Variants in FNTB observed in about 807,000 individuals in gnomAD.
FNTB encodes the protein farnesyltransferase, CAAX box, subunit beta, also known as protein farnesyltransferase subunit beta.
In FNTB, 27 loss-of-function variants were observed where a neutral mutation model predicts 59.4. That is an observed-to-expected ratio of 0.45 (90% CI 0.34 to 0.63). FNTB has a LOEUF of 0.63. Ranked by LOEUF, FNTB falls within the 20% of genes least tolerant of loss-of-function variation. The pLI is 0.02. For synonymous variants in FNTB, 230 were observed against 220.7 expected (o/e 1.04, Z -0.37); for missense variants, 449 against 559.6 (o/e 0.80, Z 1.99).
Position 64,997,987 on chromosome 14 carries a change from C to G in FNTB, c.145-6262C>G, listed in dbSNP as rs1050954106. ...GAAGCCTATCGTGGGAAGACATATT[C>G]TGGTCTCCTACAGTCATGTTTTGAG... On this transcript the variant is annotated intron_variant, in intron 1 of 11. Transcript: ENST00000246166. This position sits in a 1 kb window ranked among gnomAD's most constrained non-coding sequence, Gnocchi z 4.5. Among the ~76,000 whole-genome samples, 1 of 152,180 alleles carries G rather than the reference C, an allele frequency of 6.6e-6. No homozygotes were observed. The highest frequency in any genetic ancestry group is 2.4e-5 in the African/African-American group (1 of 41,440).
At chr14:64,999,945 ATGTTTT>A (rs1456444724) in intron 1 of FNTB, among the ~76,000 whole-genome samples, 89 of 152,196 alleles carry the variant, frequency 5.8e-4, no homozygotes, top group Non-Finnish European at 1.0e-3. Flanking sequence ...ACATATTTCC[ATGTTTT>A]TGTCAGGTGT....
intron 7 of FNTB, 93 bp from the exon 8 acceptor site, chr14:65,040,697 G>A: frequency 7.5e-7 from 1 of 1,331,826 alleles, no homozygotes; most frequent in Middle Eastern, 3.2e-4. Flanking sequence ...ACCTTAATCT[G>A]AGTGAACTTT....
At position 64,997,294 on chromosome 14, in the gene FNTB, C is replaced by T. The variant is rs1888435246; in HGVS notation, c.145-6955C>T. 6.6e-6 allele frequency among the ~76,000 whole-genome samples: 1 copy of T among 152,182 alleles called. No homozygotes were observed. Among genetic ancestry groups the T allele is most frequent in the Admixed American group, 6.6e-5 (1 of 15,266 alleles). ...TCTTTTCAGATTTTTGCATTTCTGA[C>T]TGGCTGACTCCACACAGACAGGTCC... On this transcript the variant is annotated intron_variant, in intron 1 of 11. Coordinates refer to ENST00000246166, the MANE Select transcript of FNTB (RefSeq NM_002028.4). This position sits in a 1 kb window ranked among gnomAD's most constrained non-coding sequence, Gnocchi z 4.5.
Position 65,054,286 on chromosome 14 carries a change from A to G in FNTB, c.1068-289A>G, listed in dbSNP as rs909516147. Among the ~76,000 whole-genome samples, 1 of 151,724 alleles carries G rather than the reference A, an allele frequency of 6.6e-6. No individual in the cohort carries two copies. Among genetic ancestry groups the G allele is most frequent in the African/African-American group, 2.4e-5 (1 of 41,296 alleles). ...GGCCACCACACCTAGCTAATTTTTA[A>G]TTTTTTGTAGAGACGGGGTCTCCCA... On this transcript the variant is annotated intron_variant, in intron 10 of 11. Coordinates refer to ENST00000246166, the MANE Select transcript of FNTB (RefSeq NM_002028.4). The surrounding 1 kb of genome is among the most constrained non-coding windows in gnomAD (Gnocchi z 4.4).
intron 9 of FNTB, among the ~76,000 whole-genome samples, chr14:65,052,445 G>T (rs1262070536): frequency 1.3e-5 from 2 of 152,170 alleles, no homozygotes; most frequent in East Asian, 3.9e-4. Context: ...ATTGACCAAG[G>T]ACTTAGTGTA....
chr14:65,041,388 G>A (rs2062349140), intron 8 of FNTB, among the ~76,000 whole-genome samples: 1 of 152,170 alleles, frequency 6.6e-6, no homozygotes. Flanking sequence ...CAACATTTAT[G>A]TCTGGACCCC....
At chr14:65,039,364 C>G (rs2062291485) in intron 7 of FNTB, among the ~76,000 whole-genome samples, 1 of 152,208 alleles carries the variant, frequency 6.6e-6, no homozygotes, top group African/African-American at 2.4e-5. Flanking sequence ...GTGCTCCCTC[C>G]TCCTCTTAGC....
intron 2 of FNTB, among the ~76,000 whole-genome samples, chr14:65,010,175 G>A (rs1160167365): frequency 3.9e-5 from 6 of 152,054 alleles, no homozygotes. Context: ...CTCCCTGATG[G>A]CCTGTGACAT....
chr14:65,058,523 G>C (rs8007538), intron 11 of FNTB, among the ~76,000 whole-genome samples: 34,753 of 152,062 alleles, frequency 0.23, 7,256 homozygotes, highest in African/African-American at 0.56. Context: ...GAGGGCATTC[G>C]TCTCTTGCTC....
Position 65,012,527 on chromosome 14 carries a change from AG to A in FNTB, c.282+141del. 8.3e-7 allele frequency: 1 copy of A among 1,210,302 alleles called. No homozygotes were observed. Among genetic ancestry groups the A allele is most frequent in the Non-Finnish European group, 1.2e-6 (1 of 866,114 alleles). 75.0% of individuals were successfully genotyped at this position (1,210,302 alleles called of 1,614,324 possible). ...GTTCTCTGTGGCTCTGGCAGGAGGT[AG>A]GGTGCTGTCACAGAGCTGGGACTCA... is the stretch of plus-strand genomic sequence containing the variant. On this transcript the variant is annotated intron_variant, in intron 3 of 11. Coordinates refer to ENST00000246166, the MANE Select transcript of FNTB (RefSeq NM_002028.4). This position sits in a 1 kb window ranked among gnomAD's most constrained non-coding sequence, Gnocchi z 5.0.
At chr14:64,999,752 T>G (rs1411237628) in intron 1 of FNTB, among the ~76,000 whole-genome samples, 2 of 152,210 alleles carry the variant, frequency 1.3e-5, no homozygotes, top group Non-Finnish European at 2.9e-5. Flanking sequence ...TTATTCATTG[T>G]TATGAACAGC....
chr14:65,039,022 T>A (rs1184366504), intron 7 of FNTB, among the ~76,000 whole-genome samples: 1 of 152,204 alleles, frequency 6.6e-6, no homozygotes, highest in African/African-American at 2.4e-5. Context: ...TTCCTCCAAT[T>A]TATTTTTGTT....
rs775396830 is a variant in FNTB, at chr14:64,994,785, A to G, written c.144+7688A>G. Among the ~76,000 whole-genome samples the G allele has an allele frequency of 3.9e-5, 6 of 152,194 alleles. No individual in the cohort carries two copies. Among genetic ancestry groups the G allele is most frequent in the Non-Finnish European group, 8.8e-5 (6 of 68,038 alleles). ...GTACACTACTGTAGACTTTATAAACACTGTACACTTGTTACTGAGCAGACA... is the reference window on the plus strand; with the variant it reads ...GTACACTACTGTAGACTTTATAAACGCTGTACACTTGTTACTGAGCAGACA... On this transcript the variant is annotated intron_variant, in intron 1 of 11. Coordinates refer to ENST00000246166, the MANE Select transcript of FNTB (RefSeq NM_002028.4). This position sits in a 1 kb window ranked among gnomAD's most constrained non-coding sequence, Gnocchi z 4.2.
rs771764687 is a variant in FNTB, at chr14:65,012,491, AGTCACTCTTTGTTCTCT to A, written c.282+105_282+121del. The A allele has an allele frequency of 7.6e-4, 1,122 of 1,478,362 alleles. No homozygotes were observed. The highest frequency in any genetic ancestry group is 1.0e-3 in the Non-Finnish European group (1,082 of 1,080,980). 91.6% of individuals were successfully genotyped at this position (1,478,362 alleles called of 1,614,324 possible). On this transcript the variant is annotated intron_variant, in intron 3 of 11. Transcript: ENST00000246166. The surrounding 1 kb of genome is among the most constrained non-coding windows in gnomAD (Gnocchi z 5.0). ...GACTGTTGGGGCTGACCTGTTGCAG[AGTCACTCTTTGTTCTCT>A]GTGGCTCTGGCAGGAGGTAGGGTGC...
chr14:65,011,674 C>T lies in FNTB; in HGVS notation c.210-643C>T, dbSNP rs2061685586. On this transcript the variant is annotated intron_variant, in intron 2 of 11. Coordinates refer to ENST00000246166, the MANE Select transcript of FNTB (RefSeq NM_002028.4). The surrounding 1 kb of genome is among the most constrained non-coding windows in gnomAD (Gnocchi z 4.0). ...GTGCAGCCTCTGTGCTTTGCCCGGCCTGTGCAGGTGGCCATGGGCGGCACA... is the reference window on the plus strand; with the variant it reads ...GTGCAGCCTCTGTGCTTTGCCCGGCTTGTGCAGGTGGCCATGGGCGGCACA... Among the ~76,000 whole-genome samples the T allele has an allele frequency of 6.6e-6, 1 of 152,232 alleles. No homozygotes were observed. The highest frequency in any genetic ancestry group is 2.4e-5 in the African/African-American group (1 of 41,468).
chr14:64,999,203 C>A lies in FNTB; in HGVS notation c.145-5046C>A, dbSNP rs1225473656. The stretch of plus-strand genomic sequence containing the variant: ...CTGTAATCCCAGCACTTTGGGAGGC[C>A]AAGGCTTATGGATCACTTGAGGTCA... On this transcript the variant is annotated intron_variant, in intron 1 of 11. Coordinates refer to ENST00000246166, the MANE Select transcript of FNTB (RefSeq NM_002028.4). Among the ~76,000 whole-genome samples, 4 of 152,026 alleles carry A rather than the reference C, an allele frequency of 2.6e-5. No individual in the cohort carries two copies. In the East Asian group the frequency reaches 7.7e-4, roughly 29 times the overall value.
chr14:65,059,252 G>A (rs1595108415), intron 11 of FNTB, among the ~76,000 whole-genome samples: 1 of 151,908 alleles, frequency 6.6e-6, no homozygotes, highest in East Asian at 1.9e-4. Flanking sequence ...TGAACTCTTG[G>A]CCTCAAGCTA....
intron 1 of FNTB, among the ~76,000 whole-genome samples, chr14:65,002,085 GTATTTCGGAAA>G (rs1459484100): frequency 2.0e-5 from 3 of 152,124 alleles, no homozygotes; most frequent in Non-Finnish European, 2.9e-5. Context: ...ACCTCAATGG[GTATTTCGGAAA>G]TAAATGACTC....
rs763679790 is a variant in FNTB, at chr14:65,024,951, TGTAGAA to T, written c.375-2498_375-2493del. Among the ~76,000 whole-genome samples the T allele has an allele frequency of 4.9e-4, 74 of 152,156 alleles. 1 individual carries two copies. Among genetic ancestry groups the T allele is most frequent in the Non-Finnish European group, 9.3e-4 (63 of 68,026 alleles). ...TTTGTTTGTTTGTTTTTTTTAAATATGTAGAAGTATCATTAACATTTTGGTCTTCAG... is the reference window on the plus strand; with the variant it reads ...TTTGTTTGTTTGTTTTTTTTAAATATGTATCATTAACATTTTGGTCTTCAG... On this transcript the variant is annotated intron_variant, in intron 4 of 11. Coordinates refer to ENST00000246166, the MANE Select transcript of FNTB (RefSeq NM_002028.4).
Sources: allele counts gnomAD v4.1 joint callset (sites outside exome capture counted in the v4.1 genomes callset), GRCh38; gene constraint gnomAD v4.1.1; non-coding constraint Gnocchi (gnomAD v3.1); transcripts MANE v1.5; gene names NCBI Gene and HGNC (gene_info 2026-07-23, HGNC 2026-07-21).